Variants in SLC28A1 observed in about 807,000 individuals in gnomAD.
SLC28A1 encodes the protein solute carrier family 28 member 1.
In SLC28A1, 64 loss-of-function variants were observed where a neutral mutation model predicts 74.8. The ratio of observed to expected loss-of-function variants is 0.86; its 90% confidence interval spans 0.70 to 1.05. SLC28A1 has a LOEUF of 1.05. Ranked by LOEUF, SLC28A1 falls within the 50% of genes least tolerant of loss-of-function variation. SLC28A1 has a pLI of 0.00. For synonymous variants in SLC28A1, 359 were observed against 335.0 expected (o/e 1.07, Z -0.78); for missense variants, 828 against 822.8 (o/e 1.01, Z -0.08).
At chr15:84,928,570 CTTTCTTTCTT>C (rs1970817905) in intron 12 of SLC28A1, among the ~76,000 whole-genome samples, 2 of 17,724 alleles carry the variant, frequency 1.1e-4, no homozygotes, top group Non-Finnish European at 2.0e-4. Flanking sequence ...TTCTTTCTTT[CTTTCTTTCTT>C]TCTTTCTTTC....
At chr15:84,954,387 T>C in the SLC28A1 span, among the ~76,000 whole-genome samples, 1 of 152,228 alleles carries the variant, frequency 6.6e-6, no homozygotes, top group African/African-American at 2.4e-5. Context: ...TTTCAAATGA[T>C]AGCATATCTT....
intron 5 of SLC28A1, among the ~76,000 whole-genome samples, chr15:84,894,321 G>A (rs999671768): frequency 1.3e-5 from 2 of 148,836 alleles, no homozygotes; most frequent in Non-Finnish European, 3.0e-5. Flanking sequence ...GCAGTCAGCC[G>A]AGATCATGCC....
downstream of SLC28A1, among the ~76,000 whole-genome samples, chr15:84,946,818 A>G (rs1275565919): frequency 1.3e-5 from 2 of 151,952 alleles, no homozygotes; most frequent in African/African-American, 2.4e-5. Context: ...TATCACCAGC[A>G]TGCCCTCTCC....
intron 12 of SLC28A1, among the ~76,000 whole-genome samples, chr15:84,927,321 G>T (rs971410484): frequency 3.3e-5 from 5 of 152,194 alleles, no homozygotes; most frequent in African/African-American, 1.2e-4. Flanking sequence ...ACACACGGGG[G>T]CCTTCAGAAG....
Position 84,920,998 on chromosome 15 carries a change from C to A in SLC28A1, c.886C>A (p.Leu296Met). Residue 296 changes from leucine (L) to methionine (M), a missense_variant, in exon 11 of 19, where the codon CTG (leucine) becomes ATG (methionine). Leu to Met is a conservative substitution (Grantham distance 15). Transcript: ENST00000394573. ...TTCTGCTTCCTTCTAGATTGCCTGG[C>A]TGATGCAAGTCACCATGGGCACCAC... ...MQWVILKIAW[L>M]MQVTMGTTAT... 1.2e-6 allele frequency: 2 copies of A among 1,613,672 alleles called. No individual in the cohort carries two copies. The highest frequency in any genetic ancestry group is 1.7e-6 in the Non-Finnish European group (2 of 1,179,616).
At chr15:84,908,680 C>A in intron 8 of SLC28A1, 38 bp from the exon 9 acceptor site, 1 of 1,569,106 alleles carries the variant, frequency 6.4e-7, no homozygotes, top group South Asian at 1.1e-5. Flanking sequence ...TTCCCAGCCT[C>A]ACTGCCTGTT....
At chr15:84,970,569 G>C in the SLC28A1 span, among the ~76,000 whole-genome samples, 3 of 152,186 alleles carry the variant, frequency 2.0e-5, no homozygotes, top group South Asian at 6.2e-4. Flanking sequence ...GCTTGAGCGA[G>C]ATTTCCTCAA....
At chr15:84,888,918 G>C (rs1425705653) in intron 4 of SLC28A1, 58 bp downstream of exon 4, 20 of 1,263,038 alleles carry the variant, frequency 1.6e-5, no homozygotes, top group Middle Eastern at 1.9e-4. Flanking sequence ...TTGGGAACAG[G>C]ATGGGGAGCC....
At chr15:84,888,708 C>T in intron 3 of SLC28A1, 64 bp from the exon 4 acceptor site, 1 of 1,206,990 alleles carries the variant, frequency 8.3e-7, no homozygotes, top group East Asian at 2.5e-5. Context: ...CCCCGACCCC[C>T]AGCTGTAAGT....
intron 12 of SLC28A1, among the ~76,000 whole-genome samples, chr15:84,924,605 A>G (rs1432498401): frequency 6.6e-6 from 1 of 152,230 alleles, no homozygotes; most frequent in Non-Finnish European, 1.5e-5. Flanking sequence ...AAGAATTTGT[A>G]GGTCAAATTC....
chr15:84,933,189 T>G lies in SLC28A1; in HGVS notation c.1128T>G (p.Pro376=). 6.2e-7 allele frequency: 1 copy of G among 1,613,754 alleles called. No homozygotes were observed. The highest frequency in any genetic ancestry group is 8.5e-7 in the Non-Finnish European group (1 of 1,179,812). Residue 376 remains proline (P), a synonymous_variant, in exon 13 of 19, where the codon CCT becomes CCG. Coordinates refer to ENST00000394573, the MANE Select transcript of SLC28A1 (RefSeq NM_004213.5). ...TTGCAGCCTCTGTGATGGCTGCCCC[T>G]TGTGCCTTGGCCCTCTCCAAGCTGG... ...SLIAASVMAA[P]CALALSKLVY...
chr15:84,957,013 T>G, the SLC28A1 span, among the ~76,000 whole-genome samples: 2 of 152,144 alleles, frequency 1.3e-5, no homozygotes, highest in Non-Finnish European at 2.9e-5. Flanking sequence ...TTTTTTTGTT[T>G]TTGTTGCTTA....
intron 12 of SLC28A1, among the ~76,000 whole-genome samples, chr15:84,927,112 A>C (rs1266405173): frequency 2.7e-5 from 4 of 150,682 alleles, no homozygotes; most frequent in Non-Finnish European, 5.9e-5. Flanking sequence ...AGAGACTGTC[A>C]TCTGGTTTGC....
Position 84,929,798 on chromosome 15 carries a change from G to T in SLC28A1, c.1084-3347G>T, listed in dbSNP as rs183144687. ...GATCACTTGAGCCCAGGAGGTCAAG[G>T]CTATAGTGAGCCATGATCATGCCAT... On this transcript the variant is annotated intron_variant, in intron 12 of 18. Coordinates refer to ENST00000394573, the MANE Select transcript of SLC28A1 (RefSeq NM_004213.5). 3.6e-3 allele frequency among the ~76,000 whole-genome samples: 545 copies of T among 152,328 alleles called. 6 individuals carry two copies. The highest frequency in any genetic ancestry group is 0.013 in the African/African-American group (524 of 41,558).
intron 9 of SLC28A1, among the ~76,000 whole-genome samples, chr15:84,909,889 C>T (rs1967877409): frequency 6.6e-6 from 1 of 152,246 alleles, no homozygotes; most frequent in South Asian, 2.1e-4. Flanking sequence ...TTTCATTATG[C>T]TGGCCACTGT....
At chr15:84,965,326 TA>T in the SLC28A1 span, among the ~76,000 whole-genome samples, 1 of 152,222 alleles carries the variant, frequency 6.6e-6, no homozygotes, top group South Asian at 2.1e-4. Flanking sequence ...GTGAGTCAAT[TA>T]AACCTCTTCC....
the SLC28A1 span, among the ~76,000 whole-genome samples, chr15:84,959,796 TTTTTG>T: frequency 6.6e-6 from 1 of 152,220 alleles, no homozygotes; most frequent in Admixed American, 6.5e-5. Context: ...CCTCCATTCC[TTTTTG>T]TTTTGTTTGT....
the SLC28A1 span, among the ~76,000 whole-genome samples, chr15:84,953,799 A>C: frequency 6.6e-6 from 1 of 152,234 alleles, no homozygotes; most frequent in Non-Finnish European, 1.5e-5. Context: ...ATTTGTAAAA[A>C]ATGTATAAAT....
At position 84,894,918 on chromosome 15, in the gene SLC28A1, C is replaced by T. The variant is rs17215850; in HGVS notation, c.278-22C>T. 1.9e-3 allele frequency: 3,110 copies of T among 1,613,138 alleles called. 67 individuals carry two copies. The African/African-American group carries it at 0.037, about 19-fold the overall frequency. On this transcript the variant is annotated intron_variant, in intron 5 of 18. Transcript: ENST00000394573. ...AGAGGTGGTGTCCTGGCTGTTGACCCCTCCTCTGTCTCATCCCCCAGGGCT... is the reference window on the plus strand; with the variant it reads ...AGAGGTGGTGTCCTGGCTGTTGACCTCTCCTCTGTCTCATCCCCCAGGGCT...
Sources: allele counts gnomAD v4.1 joint callset (sites outside exome capture counted in the v4.1 genomes callset), GRCh38; gene constraint gnomAD v4.1.1; transcripts MANE v1.5; gene names NCBI Gene and HGNC (gene_info 2026-07-23, HGNC 2026-07-21).